The following TECPR2 variants were observed in gnomAD, a reference collection of about 807,000 sequenced individuals.
The protein encoded by TECPR2 is tectonin beta-propeller repeat containing 2.
In TECPR2, 65 loss-of-function variants were observed where a neutral mutation model predicts 138.1. The ratio of observed to expected loss-of-function variants is 0.47; its 90% CI spans 0.39 to 0.58. The LOEUF (loss-of-function observed/expected upper bound fraction) is 0.58. TECPR2 is among the 20% of genes least tolerant of loss of function. TECPR2 has a pLI of 0.00. For missense variants in TECPR2, 1,553 were observed against 1,824.5 expected (o/e 0.85, Z 2.71); for synonymous variants, 746 against 749.8 (o/e 0.99, Z 0.08).
chr14:102,421,576 G>A (rs1384356077), intron 5 of TECPR2, among the ~76,000 whole-genome samples: 1 of 152,194 alleles, frequency 6.6e-6, no homozygotes, highest in African/African-American at 2.4e-5. Flanking sequence ...TGTGTGCAGG[G>A]AGTGTGGGAA....
At chr14:102,460,400 G>A (rs1890377859) in intron 16 of TECPR2, among the ~76,000 whole-genome samples, 2 of 151,984 alleles carry the variant, frequency 1.3e-5, no homozygotes, top group Admixed American at 1.3e-4. Context: ...GATCACCTAA[G>A]GTCGGGAGTT....
chr14:102,395,124 T>C (rs1391201871), intron 2 of TECPR2, among the ~76,000 whole-genome samples: 1 of 152,130 alleles, frequency 6.6e-6, no homozygotes, highest in African/African-American at 2.4e-5. Context: ...TCCATGAAAA[T>C]ACCCTGAAAG....
intron 16 of TECPR2, among the ~76,000 whole-genome samples, chr14:102,463,028 G>T (rs1441135231): frequency 3.9e-5 from 6 of 152,236 alleles, no homozygotes; most frequent in Non-Finnish European, 8.8e-5. Context: ...TAGAATGGCT[G>T]CCGTGGAAAA....
At chr14:102,408,029 C>T (rs1014652009) in intron 3 of TECPR2, among the ~76,000 whole-genome samples, 10 of 143,614 alleles carry the variant, frequency 7.0e-5, no homozygotes, top group African/African-American at 1.0e-4. Context: ...ATTAGCTGGG[C>T]GTGGTGGTGC....
intron 2 of TECPR2, among the ~76,000 whole-genome samples, chr14:102,384,713 G>GTGTA (rs1567318273): frequency 3.6e-4 from 53 of 147,748 alleles, no homozygotes; most frequent in African/African-American, 1.0e-3. Context: ...GTGTGTGTGT[G>GTGTA]TATATATATA....
intron 2 of TECPR2, among the ~76,000 whole-genome samples, chr14:102,401,107 T>A (rs1306415586): frequency 1.3e-5 from 2 of 151,810 alleles, no homozygotes; most frequent in Admixed American, 1.3e-4. Context: ...TGGATTAAAC[T>A]CTCCAATCAA....
intron 5 of TECPR2, among the ~76,000 whole-genome samples, chr14:102,423,487 A>T (rs576860493): frequency 6.0e-5 from 9 of 151,184 alleles, no homozygotes; most frequent in African/African-American, 1.5e-4. Flanking sequence ...TATTATTATT[A>T]TTTTTAGCTC....
Position 102,379,654 on chromosome 14 carries a change from A to G in TECPR2, c.219+2714A>G, listed in dbSNP as rs74429573. Among the ~76,000 whole-genome samples the G allele has an allele frequency of 4.2e-4, 58 of 138,732 alleles. 1 individual carries two copies. Among genetic ancestry groups the G allele is most frequent in the South Asian group, 1.7e-3 (7 of 4,030 alleles). The allele number at this position is 138,732 out of a possible 152,430, so 91.0% of individuals were successfully genotyped here. On this transcript the variant is annotated intron_variant, in intron 2 of 19. Coordinates refer to ENST00000359520, the MANE Select transcript of TECPR2 (RefSeq NM_014844.5). ...CCTAGTCACACTGCTGAAGATCACC[A>G]TCTTAAAATCCATGCACAGAGGCAT...
At chr14:102,497,232 G>A (rs769132061) in intron 18 of TECPR2, 112 bp downstream of exon 18, 24 of 1,454,526 alleles carry the variant, frequency 1.7e-5, no homozygotes, top group Non-Finnish European at 2.0e-5. Flanking sequence ...TTGTGCTGGG[G>A]CTGTGCTGTC....
At chr14:102,462,117 G>A (rs1270012141) in intron 16 of TECPR2, among the ~76,000 whole-genome samples, 1 of 152,206 alleles carries the variant, frequency 6.6e-6, no homozygotes, top group Non-Finnish European at 1.5e-5. Context: ...TGTGAGCAGT[G>A]TTGTTGCTGC....
rs369410138 is a variant in TECPR2 at position 102,425,156 on chromosome 14, G to A, written c.816G>A (p.Pro272=). 6 of 1,613,936 alleles carry A rather than the reference G, an allele frequency of 3.7e-6. No homozygotes were observed. The highest frequency in any genetic ancestry group is 4.5e-5 in the East Asian group (2 of 44,888). Residue 272 remains proline (P), a synonymous_variant, in exon 6 of 20, where the codon CCG becomes CCA. Transcript: ENST00000359520. ...GAGTCAAGCCTTTTGAACTGCACCC[G>A]CGTCTGGAATCCCCCAACAGTGGAA... The part of the protein sequence containing the change: ...AGGVKPFELH[P]RLESPNSGSC...
chr14:102,498,381 CCG>C lies in TECPR2; in HGVS notation c.*126_*127del, dbSNP rs1321573170. On this transcript the variant is annotated 3_prime_UTR_variant, in exon 20 of 20. Transcript: ENST00000359520. ...CCAGACACCTCTGGCCAGGTTGGACCCGCACACTTACTTTCATCTATGTTGGT... is the reference window on the plus strand; with the variant it reads ...CCAGACACCTCTGGCCAGGTTGGACCCACACTTACTTTCATCTATGTTGGT... The C allele has an allele frequency of 1.7e-6, 2 of 1,193,350 alleles. No individual in the cohort carries two copies. The highest frequency in any genetic ancestry group is 5.5e-5 in the Admixed American group (2 of 36,178). The allele number at this position is 1,193,350 out of a possible 1,614,324, so 73.9% of individuals were successfully genotyped here. A position where few individuals can be genotyped will look rare whatever the true frequency, so the allele number is the denominator to read the frequency against.
At chr14:102,462,994 G>A (rs1405267902) in intron 16 of TECPR2, among the ~76,000 whole-genome samples, 4 of 152,186 alleles carry the variant, frequency 2.6e-5, no homozygotes, top group Admixed American at 2.6e-4. Flanking sequence ...TTAAAGCCAC[G>A]ACATGATACA....
intron 5 of TECPR2, among the ~76,000 whole-genome samples, chr14:102,424,332 T>TTTG (rs747940737): frequency 2.0e-3 from 304 of 152,120 alleles, no homozygotes; most frequent in Non-Finnish European, 2.7e-3. Context: ...ACTAAAATGG[T>TTTG]TTGTTGTTGT....
At chr14:102,405,059 A>G (rs1364995599) in intron 2 of TECPR2, among the ~76,000 whole-genome samples, 1 of 152,090 alleles carries the variant, frequency 6.6e-6, no homozygotes, top group Non-Finnish European at 1.5e-5. Flanking sequence ...CTGTAATCCC[A>G]GCACTTGGGA....
chr14:102,387,621 G>A (rs1283519052), intron 2 of TECPR2, among the ~76,000 whole-genome samples: 1 of 151,912 alleles, frequency 6.6e-6, no homozygotes, highest in Non-Finnish European at 1.5e-5. Flanking sequence ...CTGCCTCCCG[G>A]TTTCACATCA....
chr14:102,377,619 T>C (rs1329034795), intron 2 of TECPR2, among the ~76,000 whole-genome samples: 1 of 152,086 alleles, frequency 6.6e-6, no homozygotes, highest in Admixed American at 6.6e-5. Context: ...GACAGGAGAA[T>C]TGCTTGAACC....
chr14:102,484,593 C>T (rs777099540), intron 17 of TECPR2, among the ~76,000 whole-genome samples: 5 of 152,128 alleles, frequency 3.3e-5, no homozygotes, highest in Non-Finnish European at 5.9e-5. Flanking sequence ...GCCATGCATC[C>T]CCCACTTTCC....
At chr14:102,439,700 TTGG>T (rs1408259521) in intron 10 of TECPR2, among the ~76,000 whole-genome samples, 1 of 152,246 alleles carries the variant, frequency 6.6e-6, no homozygotes, top group Non-Finnish European at 1.5e-5. Context: ...TCCCATGTCC[TTGG>T]TGGGCAGCAG....
Sources: allele counts gnomAD v4.1 joint callset (sites outside exome capture counted in the v4.1 genomes callset), GRCh38; gene constraint gnomAD v4.1.1; transcripts MANE v1.5; gene names NCBI Gene and HGNC (gene_info 2026-07-23, HGNC 2026-07-21).